LRRFIP1: variants seen among roughly 807,000 people sequenced by gnomAD.
LRRFIP1 encodes the protein LRR binding FLII interacting protein 1.
A neutral mutation model predicts 104.4 loss-of-function variants in LRRFIP1; 62 were observed. That is an observed-to-expected ratio of 0.59 (90% CI 0.48 to 0.73). The LOEUF (loss-of-function observed/expected upper bound fraction) is 0.73. LRRFIP1 is among the 30% of genes least tolerant of loss of function. LRRFIP1 has a pLI of 0.00. For missense variants in LRRFIP1, 796 were observed against 824.5 expected (o/e 0.97, Z 0.42); for synonymous variants, 300 against 299.0 (o/e 1.00, Z -0.03).
In LRRFIP1 at chr2:237,772,938, A is replaced by G; in HGVS notation, c.1700A>G (p.Glu567Gly). 2 of 1,612,232 alleles carry G rather than the reference A, an allele frequency of 1.2e-6. No individual in the cohort carries two copies. The highest frequency in any genetic ancestry group is 1.7e-6 in the Non-Finnish European group (2 of 1,178,258). Residue 567 changes from glutamate (E) to glycine (G), a missense_variant, in exon 22 of 24, where the codon GAA becomes GGA. Glu to Gly is a moderately conservative substitution (Grantham distance 98). Transcript: ENST00000308482. ...AKSEQEITAL[E>G]QNVIRLESQV... ...TCTGAGCAAGAGATAACTGCATTAG[A>G]ACAAAATGTACGTGTAAGCAACAAC...
rs531606828 is a variant in LRRFIP1 at position 237,679,159 on chromosome 2, C to G, written c.97-29385C>G. Among the ~76,000 whole-genome samples the G allele has an allele frequency of 2.0e-5, 3 of 152,360 alleles. No homozygotes were observed. In the South Asian group the frequency reaches 6.2e-4, roughly 32 times the overall value. ...CCAAGTTGATCTTCCACTGGTCTAA[C>G]TTAGATTCTAGCCTTTAGGCAAGAG... On this transcript the variant is annotated intron_variant, in intron 1 of 23. Coordinates refer to ENST00000308482, the MANE Select transcript of LRRFIP1 (RefSeq NM_001137550.2).
intron 19 of LRRFIP1, among the ~76,000 whole-genome samples, chr2:237,761,365 G>A (rs2059849023): frequency 1.3e-5 from 2 of 152,182 alleles, no homozygotes; most frequent in South Asian, 4.1e-4. Context: ...TCTCTAGATA[G>A]GTATGTAGTA....
intron 19 of LRRFIP1, chr2:237,768,710 AAAC>A (rs3840464): frequency 6.6e-6 from 1 of 152,226 alleles, no homozygotes; most frequent in African/African-American, 2.4e-5. Flanking sequence ...GTGCCTTTCA[AAAC>A]AACTTAGGAT....
chr2:237,765,707 A>T lies in LRRFIP1; in HGVS notation c.1460-4236A>T, dbSNP rs575640287. 5,455 of 939,376 alleles carry T rather than the reference A, an allele frequency of 5.8e-3. 22 individuals are homozygous for T. The highest frequency in any genetic ancestry group is 6.1e-3 in the Non-Finnish European group (4,833 of 787,898). The allele number at this position is 939,376 out of a possible 1,614,324, so 58.2% of individuals were successfully genotyped here. A position where few individuals can be genotyped will look rare whatever the true frequency, so the allele number is the denominator to read the frequency against. ...TGTTTTCTATATAAAAAAATTTTTT[A>T]AAATAATTGTAAAGTTAGATTTAAA... On this transcript the variant is annotated intron_variant, in intron 19 of 23. Transcript: ENST00000308482.
rs569524377 is a variant in LRRFIP1, at chr2:237,685,233, A to G, written c.97-23311A>G. Among the ~76,000 whole-genome samples the G allele has an allele frequency of 9.9e-5, 15 of 151,994 alleles. No homozygotes were observed. In the East Asian group the frequency reaches 2.9e-3, roughly 29 times the overall value. On this transcript the variant is annotated intron_variant, in intron 1 of 23. Coordinates refer to ENST00000308482, the MANE Select transcript of LRRFIP1 (RefSeq NM_001137550.2). Reference sequence around the variant, plus strand: ...AGGAGGTTACTGTGGTCACTCTGGTATGGACTTAAAAAGCATCAATTCTGT... The same window carrying G: ...AGGAGGTTACTGTGGTCACTCTGGTGTGGACTTAAAAAGCATCAATTCTGT...
intron 1 of LRRFIP1, among the ~76,000 whole-genome samples, chr2:237,696,746 TGCAGGCAGGG>T (rs1390626125): frequency 6.6e-6 from 1 of 152,252 alleles, no homozygotes; most frequent in African/African-American, 2.4e-5. Context: ...TATGCAATGC[TGCAGGCAGGG>T]GCTGGCAGGT....
chr2:237,750,737 G>T (rs1363686306), intron 13 of LRRFIP1, among the ~76,000 whole-genome samples: 1 of 152,180 alleles, frequency 6.6e-6, no homozygotes, highest in Non-Finnish European at 1.5e-5. Context: ...GGTACTTACT[G>T]AGAGGCTGGC....
intron 6 of LRRFIP1, among the ~76,000 whole-genome samples, chr2:237,722,717 T>C (rs2094575981): frequency 6.6e-6 from 1 of 152,068 alleles, no homozygotes; most frequent in African/African-American, 2.4e-5. Flanking sequence ...GAGATGAGAG[T>C]CAAACCTCCT....
intron 19 of LRRFIP1, chr2:237,765,251 G>A (rs771889666): frequency 1.1e-3 from 170 of 153,572 alleles, no homozygotes; most frequent in Non-Finnish European, 1.8e-3. Context: ...CAACAAGAGC[G>A]AAACTCTGTC....
intron 1 of LRRFIP1, among the ~76,000 whole-genome samples, chr2:237,699,361 C>CTT (rs539273150): frequency 3.8e-5 from 4 of 106,036 alleles, no homozygotes; most frequent in African/African-American, 1.4e-4. Context: ...TTTTTTTTTT[C>CTT]TTTTTTTTTG....
chr2:237,696,707 G>A (rs976102607), intron 1 of LRRFIP1, among the ~76,000 whole-genome samples: 2 of 152,222 alleles, frequency 1.3e-5, no homozygotes, highest in South Asian at 2.1e-4. Flanking sequence ...CTGCTGACTC[G>A]GAACTGGTAC....
chr2:237,690,736 C>CAAAAAA, intron 1 of LRRFIP1, among the ~76,000 whole-genome samples: 1 of 116,456 alleles, frequency 8.6e-6, no homozygotes, highest in East Asian at 2.5e-4. Flanking sequence ...GACTCCATCT[C>CAAAAAA]AAAAAAAAAA....
rs557013508 is a variant in LRRFIP1, at chr2:237,664,856, A to G, written c.96+37116A>G. On this transcript the variant is annotated intron_variant, in intron 1 of 23. Coordinates refer to ENST00000308482, the MANE Select transcript of LRRFIP1 (RefSeq NM_001137550.2). ...CAAAGGATGCTGACCACTTGTTAAG[A>G]CTCCTGGAGCACCCAGATTTCCATC... 5.9e-4 allele frequency among the ~76,000 whole-genome samples: 90 copies of G among 152,092 alleles called. 1 individual carries two copies. The highest frequency in any genetic ancestry group is 2.1e-3 in the African/African-American group (87 of 41,490).
chr2:237,698,696 G>T (rs1351045500), intron 1 of LRRFIP1, among the ~76,000 whole-genome samples: 1 of 152,180 alleles, frequency 6.6e-6, no homozygotes, highest in African/African-American at 2.4e-5. Context: ...AATCAGTTAG[G>T]CTTTGATCTC....
chr2:237,647,450 G>A (rs949459642), intron 1 of LRRFIP1, among the ~76,000 whole-genome samples: 2 of 152,006 alleles, frequency 1.3e-5, no homozygotes, highest in South Asian at 2.1e-4. Flanking sequence ...GGAGAAAAGG[G>A]GAAAAAGAGC....
At chr2:237,680,186 A>C (rs919453051) in intron 1 of LRRFIP1, among the ~76,000 whole-genome samples, 1 of 152,238 alleles carries the variant, frequency 6.6e-6, no homozygotes, top group African/African-American at 2.4e-5. Context: ...TATTTGGGAA[A>C]AAAAAAGGCT....
At chr2:237,706,236 C>T (rs1284160211) in intron 1 of LRRFIP1, among the ~76,000 whole-genome samples, 1 of 152,138 alleles carries the variant, frequency 6.6e-6, no homozygotes, top group Non-Finnish European at 1.5e-5. Flanking sequence ...GTCTTGGGGA[C>T]CAACCCAGAA....
At chr2:237,776,309 G>A (rs1001508356) in intron 23 of LRRFIP1, among the ~76,000 whole-genome samples, 1 of 152,168 alleles carries the variant, frequency 6.6e-6, no homozygotes, top group Admixed American at 6.5e-5. Flanking sequence ...CATGGTCCCT[G>A]TTATACCTGG....
intron 1 of LRRFIP1, among the ~76,000 whole-genome samples, chr2:237,692,899 G>A (rs760030835): frequency 5.7e-4 from 87 of 152,270 alleles, no homozygotes; most frequent in Non-Finnish European, 4.6e-4. Context: ...GGTGGCCAGA[G>A]CCGGTGCCCT....
Sources: allele counts gnomAD v4.1 joint callset (sites outside exome capture counted in the v4.1 genomes callset), GRCh38; gene constraint gnomAD v4.1.1; transcripts MANE v1.5; gene names NCBI Gene and HGNC (gene_info 2026-07-23, HGNC 2026-07-21).